Variants in WWOX observed in about 807,000 individuals in gnomAD.
WWOX encodes WW domain-containing oxidoreductase.
WWOX carries 69 observed loss-of-function variants against 46.2 expected under a neutral mutation model. The ratio of observed to expected loss-of-function variants is 1.49; its 90% CI spans 1.23 to 1.82. The LOEUF is 1.82. WWOX is among the 40% of genes most tolerant of loss of function. The probability of loss-of-function intolerance (pLI) is 0.00; values close to 1 mark genes in which losing one functional copy is unlikely to be tolerated. For synonymous variants in WWOX, 359 were observed against 202.6 expected (o/e 1.77, Z -6.56); for missense variants, 919 against 542.6 (o/e 1.69, Z -6.89).
intron 8 of WWOX, among the ~76,000 whole-genome samples, chr16:79,179,412 C>G (rs540427901): frequency 1.2e-4 from 19 of 152,238 alleles, no homozygotes; most frequent in Non-Finnish European, 2.2e-4. Flanking sequence ...GCAGTAATGC[C>G]TGACCAACTA....
chr16:78,895,999 GA>G (rs2044692885), intron 8 of WWOX: 1 of 152,046 alleles, frequency 6.6e-6, no homozygotes, highest in African/African-American at 2.4e-5. Flanking sequence ...TCTTTTTTGA[GA>G]AATGAACAGT....
intron 8 of WWOX, among the ~76,000 whole-genome samples, chr16:78,885,171 G>A (rs2044427971): frequency 6.6e-6 from 1 of 151,864 alleles, no homozygotes; most frequent in Non-Finnish European, 1.5e-5. Context: ...ATGGTTGCGG[G>A]GGACTACCAA....
At chr16:78,595,922 A>G (rs1181237336) in intron 8 of WWOX, among the ~76,000 whole-genome samples, 2 of 152,244 alleles carry the variant, frequency 1.3e-5, no homozygotes, top group South Asian at 2.1e-4. Context: ...TTAAAAATAC[A>G]ATAAAACTAA....
intron 8 of WWOX, among the ~76,000 whole-genome samples, chr16:78,729,219 G>C (rs11643137): frequency 0.16 from 24,763 of 151,878 alleles, 2,621 homozygotes; most frequent in Non-Finnish European, 0.23. Flanking sequence ...GTGCATGCCT[G>C]TTGTCCCAGC....
chr16:78,392,355 C>A (rs771888479), intron 6 of WWOX, among the ~76,000 whole-genome samples: 1 of 152,084 alleles, frequency 6.6e-6, no homozygotes, highest in Non-Finnish European at 1.5e-5. Context: ...CCTCCCATCA[C>A]CTTCAAGATG....
chr16:78,139,056 G>A (rs992733325), intron 4 of WWOX, among the ~76,000 whole-genome samples: 48 of 152,120 alleles, frequency 3.2e-4, no homozygotes, highest in African/African-American at 1.2e-3. Context: ...AGAATATTAC[G>A]TTCATTTAGG....
chr16:79,153,546 G>A (rs5029635), intron 8 of WWOX, among the ~76,000 whole-genome samples: 31,234 of 152,056 alleles, frequency 0.21, 6,913 homozygotes, highest in African/African-American at 0.56. Flanking sequence ...TCGGACTGTG[G>A]ATTACACTGA....
intron 8 of WWOX, among the ~76,000 whole-genome samples, chr16:78,744,168 C>T (rs1315919396): frequency 2.6e-5 from 4 of 151,966 alleles, no homozygotes; most frequent in Admixed American, 6.6e-5. Flanking sequence ...ATCAGAAGGT[C>T]CGTAAAGGTG....
chr16:78,383,560 C>G (rs936269997), intron 5 of WWOX, among the ~76,000 whole-genome samples: 1 of 152,170 alleles, frequency 6.6e-6, no homozygotes, highest in Non-Finnish European at 1.5e-5. Context: ...CGTTTGCAAT[C>G]TGTCAGCCAC....
chr16:78,422,412 T>C (rs1294675110), intron 6 of WWOX, among the ~76,000 whole-genome samples: 1 of 151,566 alleles, frequency 6.6e-6, no homozygotes, highest in African/African-American at 2.4e-5. Flanking sequence ...GGTATGATCA[T>C]AGCTCATTGC....
chr16:79,009,702 C>T (rs1597270805), intron 8 of WWOX, among the ~76,000 whole-genome samples: 1 of 152,174 alleles, frequency 6.6e-6, no homozygotes, highest in Non-Finnish European at 1.5e-5. Flanking sequence ...CCACCCACCT[C>T]AGCTTCCCAA....
At chr16:79,012,040 T>C (rs1319651976) in intron 8 of WWOX, among the ~76,000 whole-genome samples, 1 of 152,152 alleles carries the variant, frequency 6.6e-6, no homozygotes, top group East Asian at 1.9e-4. Flanking sequence ...CTCTGGCTAC[T>C]GTGTTGAGAA....
At chr16:78,154,006 A>G (rs12716850) in intron 4 of WWOX, among the ~76,000 whole-genome samples, 86,609 of 151,728 alleles carry the variant, frequency 0.57, 24,957 homozygotes, top group African/African-American at 0.65. Context: ...CACCTGTCCA[A>G]CCTACCAGTG....
chr16:79,013,275 A>G (rs2047348966), intron 8 of WWOX, among the ~76,000 whole-genome samples: 2 of 152,006 alleles, frequency 1.3e-5, no homozygotes, highest in Admixed American at 6.6e-5. Flanking sequence ...TTAAAAATAA[A>G]ATGCATACGC....
At chr16:78,957,597 C>A (rs1419157761) in intron 8 of WWOX, among the ~76,000 whole-genome samples, 3 of 152,126 alleles carry the variant, frequency 2.0e-5, no homozygotes, top group Non-Finnish European at 4.4e-5. Context: ...AACTCAGTCA[C>A]GTTACTGAGG....
In WWOX at chr16:79,032,321, ATATAT is replaced by A. The variant is rs530920356; in HGVS notation, c.1057-179277_1057-179273del. Among the ~76,000 whole-genome samples, 1,117 of 146,290 alleles carry A rather than the reference ATATAT, an allele frequency of 7.6e-3. 21 individuals are homozygous for A. The highest frequency in any genetic ancestry group is 0.026 in the African/African-American group (1,057 of 40,266). The stretch of plus-strand genomic sequence containing the variant: ...TAATGTAGACTCTAATATGTAGTCT[ATATAT>A]TATATTATAATGTATGTAATATATA... On this transcript the variant is annotated intron_variant, in intron 8 of 8. Coordinates refer to ENST00000566780, the MANE Select transcript of WWOX (RefSeq NM_016373.4).
chr16:79,185,592 G>A (rs2050997334), intron 8 of WWOX, among the ~76,000 whole-genome samples: 1 of 152,300 alleles, frequency 6.6e-6, no homozygotes, highest in East Asian at 1.9e-4. Context: ...TCAAAGACAG[G>A]CGCGTCTGTC....
At chr16:78,659,610 A>G (rs1301114734) in intron 8 of WWOX, among the ~76,000 whole-genome samples, 3 of 152,182 alleles carry the variant, frequency 2.0e-5, no homozygotes, top group Non-Finnish European at 2.9e-5. Flanking sequence ...CTTGCTTTGC[A>G]AAGCACTGTA....
intron 6 of WWOX, among the ~76,000 whole-genome samples, chr16:78,398,991 T>C (rs1249652478): frequency 1.4e-5 from 2 of 147,026 alleles, no homozygotes; most frequent in Non-Finnish European, 3.0e-5. Context: ...AAGAGGTAAG[T>C]ACAAGGAAGG....
Sources: allele counts gnomAD v4.1 joint callset (sites outside exome capture counted in the v4.1 genomes callset), GRCh38; gene constraint gnomAD v4.1.1; transcripts MANE v1.5; gene names NCBI Gene and HGNC (gene_info 2026-07-23, HGNC 2026-07-21).